EMILIN2: variants seen among roughly 807,000 people sequenced by gnomAD.
The protein encoded by EMILIN2 is EMILIN-2.
In EMILIN2, 71 loss-of-function variants were observed where a neutral mutation model predicts 87.1. That is an observed-to-expected ratio of 0.82 (90% CI 0.67 to 0.99). The LOEUF is 0.99. Among genes scored for constraint, EMILIN2 ranks in the 50% least tolerant of loss-of-function variants. The probability of loss-of-function intolerance (pLI) is 0.00; values close to 1 mark genes in which losing one functional copy is unlikely to be tolerated. For synonymous variants in EMILIN2, 581 were observed against 563.4 expected (o/e 1.03, Z -0.44); for missense variants, 1,407 against 1,371.8 (o/e 1.03, Z -0.40).
intron 4 of EMILIN2, among the ~76,000 whole-genome samples, chr18:2,896,621 C>T (rs1188378533): frequency 2.0e-5 from 3 of 152,070 alleles, no homozygotes; most frequent in East Asian, 1.9e-4. Context: ...ACTACTGGCA[C>T]GTGCCATCGC....
intron 4 of EMILIN2, among the ~76,000 whole-genome samples, chr18:2,903,919 C>G (rs1381891890): frequency 1.3e-5 from 2 of 152,190 alleles, no homozygotes; most frequent in Non-Finnish European, 2.9e-5. Context: ...AGCCTCTCTC[C>G]CCTTTCTTTT....
At chr18:2,908,334 C>T (rs879547522) in intron 5 of EMILIN2, among the ~76,000 whole-genome samples, 16 of 152,186 alleles carry the variant, frequency 1.1e-4, no homozygotes, top group Non-Finnish European at 1.9e-4. Flanking sequence ...ATCCACCCAT[C>T]GATACATCCA....
chr18:2,907,104 CG>C lies in EMILIN2; in HGVS notation c.2662+23del, dbSNP rs1436211401. On this transcript the variant is annotated intron_variant, in intron 5 of 7. Transcript: ENST00000254528. ...GCACCAGGTGAGGCCCGGGGCTGCGCGGGGAGGAGCGCGGGGCTCTCCCGGA... is the reference window on the plus strand; with the variant it reads ...GCACCAGGTGAGGCCCGGGGCTGCGCGGGAGGAGCGCGGGGCTCTCCCGGA... The C allele has an allele frequency of 8.1e-7, 1 of 1,232,784 alleles. No individual in the cohort carries two copies. The highest frequency in any genetic ancestry group is 1.0e-6 in the Non-Finnish European group (1 of 988,616). The allele number at this position is 1,232,784 out of a possible 1,614,324, so 76.4% of individuals were successfully genotyped here.
intron 2 of EMILIN2, among the ~76,000 whole-genome samples, chr18:2,871,618 C>A (rs771707661): frequency 1.3e-5 from 2 of 152,212 alleles, no homozygotes; most frequent in African/African-American, 2.4e-5. Flanking sequence ...GAGCGGGGAT[C>A]TGTGTGCTCC....
In EMILIN2 at chr18:2,913,210, C is replaced by T; in HGVS notation, c.2968C>T (p.Leu990=). 1 of 1,614,064 alleles carries T rather than the reference C, an allele frequency of 6.2e-7. No homozygotes were observed. Among genetic ancestry groups the T allele is most frequent in the Non-Finnish European group, 8.5e-7 (1 of 1,180,028 alleles). ...LHTAGYRREF[L]EYHRPPGALH... Reference sequence around the variant, plus strand: ...TACCGCTGGGTACAGGAGAGAGTTCCTGGAATACCACCGCCCTCCAGGAGC... The same window carrying T: ...TACCGCTGGGTACAGGAGAGAGTTCTTGGAATACCACCGCCCTCCAGGAGC... The change falls in exon 8 of 8, where the codon CTG becomes TTG. Residue 990 remains leucine, a synonymous_variant. Transcript: ENST00000254528.
chr18:2,889,686 TC>T (rs1317254448), intron 3 of EMILIN2, among the ~76,000 whole-genome samples: 1 of 138,668 alleles, frequency 7.2e-6, no homozygotes, highest in African/African-American at 2.7e-5. Flanking sequence ...CTTCTTTTTT[TC>T]TTTTCTTTTT....
chr18:2,849,967 C>T (rs910473501), intron 2 of EMILIN2, among the ~76,000 whole-genome samples: 2 of 152,098 alleles, frequency 1.3e-5, no homozygotes, highest in Middle Eastern at 6.3e-3. Flanking sequence ...TACCATGTCA[C>T]CCAAGGTGGG....
chr18:2,910,495 CAG>C (rs1287712909), intron 7 of EMILIN2, among the ~76,000 whole-genome samples: 2 of 152,188 alleles, frequency 1.3e-5, no homozygotes, highest in Admixed American at 6.5e-5. Flanking sequence ...TCCAAGGAAA[CAG>C]GGTCCAGGGG....
chr18:2,909,141 G>C (rs1466453597), intron 6 of EMILIN2, among the ~76,000 whole-genome samples, 166 bp downstream of exon 6: 1 of 152,144 alleles, frequency 6.6e-6, no homozygotes, highest in Non-Finnish European at 1.5e-5. Flanking sequence ...TGACTATAGT[G>C]GACCAAATTC....
chr18:2,853,007 G>A (rs1471969229), intron 2 of EMILIN2, among the ~76,000 whole-genome samples: 1 of 152,082 alleles, frequency 6.6e-6, no homozygotes, highest in Non-Finnish European at 1.5e-5. Context: ...CCTAAGGGTG[G>A]CTCAATAGAA....
intron 2 of EMILIN2, among the ~76,000 whole-genome samples, chr18:2,865,684 C>T (rs2076683089): frequency 6.6e-6 from 1 of 152,208 alleles, no homozygotes; most frequent in Non-Finnish European, 1.5e-5. Context: ...GGCAGTCTGT[C>T]CGTTCTCAGA....
intron 2 of EMILIN2, among the ~76,000 whole-genome samples, chr18:2,858,569 A>ATATATATATATGTG (rs1305555851): frequency 1.4e-4 from 8 of 55,372 alleles, no homozygotes; most frequent in African/African-American, 4.7e-4. Context: ...ATATATATAT[A>ATATATATATATGTG]TGTGTGTGTG....
At chr18:2,904,822 A>G (rs1049724825) in intron 4 of EMILIN2, among the ~76,000 whole-genome samples, 1 of 152,190 alleles carries the variant, frequency 6.6e-6, no homozygotes, top group Non-Finnish European at 1.5e-5. Flanking sequence ...GGGAGACACT[A>G]GATAGAGTTT....
intron 2 of EMILIN2, among the ~76,000 whole-genome samples, chr18:2,852,297 C>T (rs1438059232): frequency 1.3e-5 from 2 of 152,086 alleles, no homozygotes; most frequent in African/African-American, 2.4e-5. Context: ...GCAGATTGAA[C>T]GCTTAAAGTT....
intron 3 of EMILIN2, among the ~76,000 whole-genome samples, chr18:2,888,191 T>C (rs2076812223): frequency 6.6e-6 from 1 of 152,204 alleles, no homozygotes; most frequent in African/African-American, 2.4e-5. Flanking sequence ...CTAGAATAAA[T>C]TTCTTGAAGT....
rs1328774552 is a variant in EMILIN2 at position 2,915,670 on chromosome 18, A to G, written c.*2266A>G. The stretch of plus-strand genomic sequence containing the variant: ...CCCGAGTAGCGGGGACTACAGGTGC[A>G]TGCCGCCACGCCCGGTTAATTTTTT... On this transcript the variant is annotated 3_prime_UTR_variant, in exon 8 of 8. Coordinates refer to ENST00000254528, the MANE Select transcript of EMILIN2 (RefSeq NM_032048.3). The G allele has an allele frequency of 6.6e-6, 1 of 152,240 alleles. No homozygotes were observed. Among genetic ancestry groups the G allele is most frequent in the Non-Finnish European group, 1.5e-5 (1 of 68,128 alleles). 9.4% of individuals were successfully genotyped at this position (152,240 alleles called of 1,614,324 possible).
intron 2 of EMILIN2, among the ~76,000 whole-genome samples, chr18:2,855,331 CA>C (rs2076621420): frequency 6.6e-6 from 1 of 152,216 alleles, no homozygotes; most frequent in Non-Finnish European, 1.5e-5. Context: ...ATTCTTACCA[CA>C]AGTTCAGCCA....
At chr18:2,865,523 C>T (rs534476389) in intron 2 of EMILIN2, among the ~76,000 whole-genome samples, 81 of 152,308 alleles carry the variant, frequency 5.3e-4, no homozygotes, top group Non-Finnish European at 2.1e-4. Flanking sequence ...TGCAGAACAG[C>T]GGATATTGGT....
intron 4 of EMILIN2, among the ~76,000 whole-genome samples, chr18:2,893,438 C>T (rs2076849261): frequency 6.6e-6 from 1 of 152,208 alleles, no homozygotes; most frequent in Non-Finnish European, 1.5e-5. Flanking sequence ...TCCATAGTGC[C>T]TGCATCCAGG....
Sources: allele counts gnomAD v4.1 joint callset (sites outside exome capture counted in the v4.1 genomes callset), GRCh38; gene constraint gnomAD v4.1.1; transcripts MANE v1.5; gene names NCBI Gene and HGNC (gene_info 2026-07-23, HGNC 2026-07-21).